Variants in CNTLN observed in about 807,000 individuals in gnomAD.
The protein encoded by CNTLN is centlein.
CNTLN carries 212 observed loss-of-function variants against 180.0 expected under a neutral mutation model. That is an observed-to-expected ratio of 1.18 (90% CI 1.05 to 1.32). The LOEUF (loss-of-function observed/expected upper bound fraction) is 1.32. CNTLN is among the 40% of genes most tolerant of loss of function. CNTLN has a pLI of 0.00. For missense variants in CNTLN, 2,095 were observed against 1,610.9 expected (o/e 1.30, Z -5.14); for synonymous variants, 722 against 563.1 (o/e 1.28, Z -3.99).
At chr9:17,236,281 C>G (rs1329907882) in intron 4 of CNTLN, 128 bp from the exon 5 acceptor site, 2 of 724,462 alleles carry the variant, frequency 2.8e-6, no homozygotes, top group South Asian at 3.0e-5. Context: ...CCTTGGCTAT[C>G]AAATATAGAA....
intron 10 of CNTLN, among the ~76,000 whole-genome samples, chr9:17,334,836 T>C (rs1409138402): frequency 7.0e-6 from 1 of 142,628 alleles, no homozygotes; most frequent in East Asian, 2.1e-4. Context: ...ATGGGATCAA[T>C]AGAAGCCCAA....
intron 2 of CNTLN, among the ~76,000 whole-genome samples, chr9:17,171,627 T>C (rs1159454056): frequency 6.6e-6 from 1 of 152,056 alleles, no homozygotes. Context: ...GCACAGTGCC[T>C]ATGGAGTGGC....
intron 6 of CNTLN, among the ~76,000 whole-genome samples, chr9:17,284,022 T>C (rs1311181964): frequency 6.6e-6 from 1 of 151,750 alleles, no homozygotes; most frequent in Non-Finnish European, 1.5e-5. Flanking sequence ...GGATTTTGTT[T>C]GTTTGTTTGT....
intron 8 of CNTLN, among the ~76,000 whole-genome samples, chr9:17,311,275 G>A (rs200234569): frequency 6.6e-6 from 1 of 151,624 alleles, no homozygotes; most frequent in African/African-American, 2.4e-5. Context: ...TCCACCCGCC[G>A]TGGCCTTCCA....
At chr9:17,269,387 C>A (rs1195179099) in intron 5 of CNTLN, among the ~76,000 whole-genome samples, 1 of 152,110 alleles carries the variant, frequency 6.6e-6, no homozygotes, top group Non-Finnish European at 1.5e-5. Flanking sequence ...TAATGTACTA[C>A]ATACTTAACA....
At chr9:17,206,569 C>G (rs1204427220) in intron 2 of CNTLN, among the ~76,000 whole-genome samples, 2 of 152,144 alleles carry the variant, frequency 1.3e-5, no homozygotes, top group African/African-American at 2.4e-5. Flanking sequence ...TGTGCTTATC[C>G]TGTATCTGTA....
At chr9:17,215,738 A>G (rs1823702512) in intron 2 of CNTLN, among the ~76,000 whole-genome samples, 1 of 152,074 alleles carries the variant, frequency 6.6e-6, no homozygotes, top group Non-Finnish European at 1.5e-5. Context: ...TACCTACTCA[A>G]GCCTCAGCAA....
intron 5 of CNTLN, among the ~76,000 whole-genome samples, chr9:17,249,286 T>C (rs1458094056): frequency 6.6e-6 from 1 of 151,930 alleles, no homozygotes; most frequent in Non-Finnish European, 1.5e-5. Flanking sequence ...TTAAAATTCA[T>C]CTCTAAATAT....
At chr9:17,145,999 A>G (rs1367112306) in intron 2 of CNTLN, among the ~76,000 whole-genome samples, 1 of 152,118 alleles carries the variant, frequency 6.6e-6, no homozygotes, top group Non-Finnish European at 1.5e-5. Context: ...GCATACAGTA[A>G]TGCTACCAAG....
Position 17,388,155 on chromosome 9 carries a change from C to G in CNTLN, c.1988-7C>G, listed in dbSNP as rs778624807. The G allele has an allele frequency of 3.2e-5, 51 of 1,580,388 alleles. 1 individual carries two copies. Among genetic ancestry groups the G allele is most frequent in the African/African-American group, 3.1e-4 (23 of 74,226 alleles). ...GGTATCATAATATATTATTTATTCT[C>G]TACCAGAACAGCTCTTTAGATCTGG... On this transcript the variant is annotated splice_region_variant and splice_polypyrimidine_tract_variant and intron_variant, in intron 13 of 25. Transcript: ENST00000380647.
At chr9:17,399,822 C>G (rs1231750549) in intron 15 of CNTLN, among the ~76,000 whole-genome samples, 1 of 152,180 alleles carries the variant, frequency 6.6e-6, no homozygotes, top group African/African-American at 2.4e-5. Flanking sequence ...ACGTCCTTAT[C>G]TCAAAAGACA....
intron 8 of CNTLN, among the ~76,000 whole-genome samples, chr9:17,321,450 T>C (rs572408244): frequency 7.9e-5 from 12 of 152,284 alleles, no homozygotes; most frequent in Middle Eastern, 3.4e-3. Flanking sequence ...CTCCAGTGAT[T>C]GACAGTCTTA....
intron 25 of CNTLN, among the ~76,000 whole-genome samples, chr9:17,492,594 T>G (rs1187973587): frequency 6.6e-6 from 1 of 152,008 alleles, no homozygotes; most frequent in Admixed American, 6.6e-5. Flanking sequence ...AATTAATAAG[T>G]GTTAGGAGGC....
At chr9:17,202,646 GTTTT>G (rs57960408) in intron 2 of CNTLN, among the ~76,000 whole-genome samples, 21 of 71,478 alleles carry the variant, frequency 2.9e-4, no homozygotes, top group East Asian at 2.1e-3. Flanking sequence ...TGCAACCTCT[GTTTT>G]TTTTTTTTTT....
chr9:17,433,028 A>AC (rs1205794378), intron 18 of CNTLN, among the ~76,000 whole-genome samples: 2 of 150,438 alleles, frequency 1.3e-5, no homozygotes, highest in Admixed American at 6.6e-5. Context: ...CTCAAAAAAA[A>AC]AAAAAAAAAA....
At chr9:17,171,860 C>T (rs1209150649) in intron 2 of CNTLN, among the ~76,000 whole-genome samples, 1 of 152,062 alleles carries the variant, frequency 6.6e-6, no homozygotes, top group Non-Finnish European at 1.5e-5. Flanking sequence ...TTGTTACTCT[C>T]CCTGTGGTGG....
At chr9:17,457,868 C>A (rs1334441127) in intron 19 of CNTLN, among the ~76,000 whole-genome samples, 153 bp downstream of exon 19, 1 of 151,798 alleles carries the variant, frequency 6.6e-6, no homozygotes, top group African/African-American at 2.4e-5. Flanking sequence ...TAATTTTTAG[C>A]CTGGTAGATT....
At chr9:17,307,004 A>G (rs934348902) in intron 7 of CNTLN, among the ~76,000 whole-genome samples, 6 of 152,138 alleles carry the variant, frequency 3.9e-5, no homozygotes, top group Non-Finnish European at 7.4e-5. Context: ...GCACAGTACA[A>G]GTAGGCACGC....
At chr9:17,506,079 T>TA (rs3084575), downstream of CNTLN, among the ~76,000 whole-genome samples, 7 of 149,642 alleles carry the variant, frequency 4.7e-5, no homozygotes, top group African/African-American at 1.5e-4. Context: ...CATCTTGGGT[T>TA]AAAAAAAAAA....
Sources: gnomAD v4.1 joint callset for allele counts (sites outside exome capture counted in the v4.1 genomes callset) on GRCh38, gnomAD v4.1.1 for gene constraint, MANE v1.5 for transcripts, NCBI Gene and HGNC (gene_info 2026-07-23, HGNC 2026-07-21) for gene names.